Variants in VPS13B observed in about 807,000 individuals in gnomAD.
VPS13B encodes vacuolar protein sorting 13 homolog B.
A neutral mutation model predicts 426.4 loss-of-function variants in VPS13B; 285 were observed. That is an observed-to-expected ratio of 0.67 (90% confidence interval 0.61 to 0.74). The LOEUF (loss-of-function observed/expected upper bound fraction) is 0.74, where lower values mean the gene tolerates loss of function less well. Ranked by LOEUF, VPS13B falls within the 30% of genes least tolerant of loss-of-function variation. VPS13B has a pLI of 0.00. For missense variants in VPS13B, 4,537 were observed against 4,782.6 expected, an observed-to-expected ratio of 0.95 and a Z score of 1.51; for synonymous variants, 1,676 against 1,676.4, an observed-to-expected ratio of 1.00 and a Z score of 0.01.
At chr8:99,234,647 A>G (rs555191225) in intron 17 of VPS13B, among the ~76,000 whole-genome samples, 30 of 152,342 alleles carry the variant, frequency 2.0e-4, no homozygotes, top group Non-Finnish European at 3.2e-4. Context: ...TGAAAGTCTA[A>G]TTTTTCTAAG....
intron 22 of VPS13B, among the ~76,000 whole-genome samples, chr8:99,434,578 C>T (rs1011579511): frequency 6.6e-6 from 1 of 152,210 alleles, no homozygotes; most frequent in South Asian, 2.1e-4. Context: ...AAATACATAC[C>T]TGCCATAAAA....
At chr8:99,614,437 C>T (rs1166297215) in intron 33 of VPS13B, among the ~76,000 whole-genome samples, 2 of 151,966 alleles carry the variant, frequency 1.3e-5, no homozygotes, top group Non-Finnish European at 2.9e-5. Flanking sequence ...GCCACCACAC[C>T]CGGCTAATTT....
At chr8:99,207,369 G>A (rs1439130364) in intron 17 of VPS13B, among the ~76,000 whole-genome samples, 2 of 152,102 alleles carry the variant, frequency 1.3e-5, no homozygotes, top group Non-Finnish European at 2.9e-5. Context: ...AGAATGTTAA[G>A]TTATGCCTGA....
At chr8:99,439,870 C>G (rs909499719) in intron 22 of VPS13B, among the ~76,000 whole-genome samples, 1 of 152,062 alleles carries the variant, frequency 6.6e-6, no homozygotes, top group Non-Finnish European at 1.5e-5. Flanking sequence ...TCTCAAACCT[C>G]ACATATAGGG....
chr8:99,135,096 G>A lies in VPS13B; in HGVS notation c.1384G>A (p.Gly462Ser). 1 of 1,613,460 alleles carries A rather than the reference G, an allele frequency of 6.2e-7. No homozygotes were observed. ...AGCCATGTGCCTTAAAGGAATTATG[G>A]GTGTTAAAGATTTTGAAGAGAATAT... ...CRAMCLKGIMGVKDFEENMNR... is the reference protein window; with the variant it reads ...CRAMCLKGIMSVKDFEENMNR... The change falls in exon 10 of 62, where the codon GGT (glycine) becomes AGT (serine). Residue 462 changes from glycine to serine, a missense_variant. By Grantham distance (56) the Gly-to-Ser change is moderately conservative (BLOSUM62 0). Transcript: ENST00000357162.
intron 48 of VPS13B, 70 bp downstream of exon 48, chr8:99,819,652 T>C: frequency 1.3e-6 from 2 of 1,517,942 alleles, no homozygotes; most frequent in Admixed American, 1.9e-5. Flanking sequence ...CACAAAAATA[T>C]TAAATACCAT....
At chr8:99,647,878 C>T (rs1829655770) in intron 34 of VPS13B, among the ~76,000 whole-genome samples, 1 of 152,052 alleles carries the variant, frequency 6.6e-6, no homozygotes, top group South Asian at 2.1e-4. Context: ...ATACTTTTGA[C>T]ATTAAATTAT....
intron 36 of VPS13B, among the ~76,000 whole-genome samples, chr8:99,713,057 T>A (rs796274246): frequency 6.6e-6 from 1 of 152,214 alleles, no homozygotes; most frequent in African/African-American, 2.4e-5. Context: ...TTTAGTACAA[T>A]ATCAGTATTT....
chr8:99,354,818 A>G (rs573896302), intron 19 of VPS13B, among the ~76,000 whole-genome samples: 1 of 152,286 alleles, frequency 6.6e-6, no homozygotes, highest in East Asian at 1.9e-4. Context: ...TAGCCTCCCA[A>G]AGTCCTAGGA....
chr8:99,494,402 T>G (rs548569974), intron 25 of VPS13B, among the ~76,000 whole-genome samples: 1 of 152,172 alleles, frequency 6.6e-6, no homozygotes, highest in African/African-American at 2.4e-5. Flanking sequence ...TAGTTTTCAT[T>G]ATGTCTTTTA....
At chr8:99,706,328 G>A (rs775753864) in intron 36 of VPS13B, among the ~76,000 whole-genome samples, 47 of 152,214 alleles carry the variant, frequency 3.1e-4, no homozygotes, top group Middle Eastern at 3.4e-3. Flanking sequence ...CGAGTTCAAG[G>A]ATTTGGCCTG....
chr8:99,163,725 A>T (rs902685974), intron 15 of VPS13B, among the ~76,000 whole-genome samples: 6 of 152,152 alleles, frequency 3.9e-5, no homozygotes, highest in African/African-American at 1.4e-4. Context: ...GTCCACACAG[A>T]ACTCCAGCTG....
intron 31 of VPS13B, among the ~76,000 whole-genome samples, chr8:99,566,631 C>T (rs1050695546): frequency 2.0e-5 from 3 of 151,960 alleles, no homozygotes; most frequent in African/African-American, 4.8e-5. Flanking sequence ...TTAGTAGAGA[C>T]GGGGTTCCAC....
intron 24 of VPS13B, among the ~76,000 whole-genome samples, chr8:99,472,554 ATAACTT>A (rs945642000): frequency 6.6e-6 from 1 of 152,026 alleles, no homozygotes; most frequent in Non-Finnish European, 1.5e-5. Context: ...AGAGGGAAAT[ATAACTT>A]TAAAGACATA....
In VPS13B at chr8:99,275,266, C is replaced by T. The variant is rs1353959438; in HGVS notation, c.2824+12C>T. 1.9e-6 allele frequency: 3 copies of T among 1,582,104 alleles called. No individual in the cohort carries two copies. The highest frequency in any genetic ancestry group is 1.4e-5 in the African/African-American group (1 of 72,924). Reference sequence around the variant, plus strand: ...CTGCCACAATTCCGGTAAGTACAAACCTATCATTATTCCCTTGTTTTGCTT... The same window carrying T: ...CTGCCACAATTCCGGTAAGTACAAATCTATCATTATTCCCTTGTTTTGCTT... On this transcript the variant is annotated intron_variant, in intron 19 of 61. Transcript: ENST00000357162.
intron 39 of VPS13B, among the ~76,000 whole-genome samples, chr8:99,731,374 T>C (rs1359478095): frequency 2.0e-5 from 3 of 152,210 alleles, no homozygotes; most frequent in Non-Finnish European, 4.4e-5. Context: ...TAAATGAGGT[T>C]CTGAGAAAAA....
chr8:99,767,459 C>A (rs181385810), intron 40 of VPS13B, among the ~76,000 whole-genome samples: 20 of 90,212 alleles, frequency 2.2e-4, no homozygotes, highest in Non-Finnish European at 3.5e-4. Context: ...CTTTAAAAGA[C>A]AAGCCTCCCC....
intron 31 of VPS13B, among the ~76,000 whole-genome samples, chr8:99,568,978 A>AT (rs978972367): frequency 6.6e-6 from 1 of 151,330 alleles, no homozygotes; most frequent in African/African-American, 2.4e-5. Context: ...CGCCCGGCTA[A>AT]TTTTTTTTGT....
At chr8:99,240,373 A>G (rs2132884207) in intron 17 of VPS13B, among the ~76,000 whole-genome samples, 1 of 152,338 alleles carries the variant, frequency 6.6e-6, no homozygotes, top group East Asian at 1.9e-4. Flanking sequence ...AGAACTAAAT[A>G]TTTTAATAGT....
Sources: gnomAD v4.1 joint callset for allele counts (sites outside exome capture counted in the v4.1 genomes callset) on GRCh38, gnomAD v4.1.1 for gene constraint, MANE v1.5 for transcripts, NCBI Gene and HGNC (gene_info 2026-07-23, HGNC 2026-07-21) for gene names.